The following POLM variants were observed in gnomAD, a reference collection of about 807,000 sequenced individuals.
The protein encoded by POLM is DNA polymerase mu.
POLM carries 52 observed loss-of-function variants against 56.7 expected under a neutral mutation model. The observed-to-expected ratio is 0.92, with a 90% CI of 0.73 to 1.15. POLM has a LOEUF of 1.15. POLM is among the 50% of genes most tolerant of loss of function. POLM has a pLI of 0.00. For missense variants in POLM, 660 were observed against 663.6 expected, an observed-to-expected ratio of 0.99 and a Z score of 0.06; for synonymous variants, 273 against 274.3, an observed-to-expected ratio of 1.00 and a Z score of 0.05.
At position 44,072,991 on chromosome 7, in the gene POLM, A is replaced by T. The variant is rs1326990304; in HGVS notation, c.*300T>A. 2.2e-6 allele frequency: 2 copies of T among 925,382 alleles called. No individual in the cohort carries two copies. Among genetic ancestry groups the T allele is most frequent in the Admixed American group, 3.0e-5 (1 of 33,728 alleles). The allele number at this position is 925,382 out of a possible 1,614,324, so 57.3% of individuals were successfully genotyped here. A position where few individuals can be genotyped will look rare whatever the true frequency, so the allele number is the denominator to read the frequency against. On this transcript the variant is annotated 3_prime_UTR_variant, in exon 11 of 11. Transcript: ENST00000242248. ...CTGCAGGCCCCACCACAGCTCCACG[A>T]TGTGGGCCCCACTCACATCCCATCC...
chr7:44,079,940 CCCTT>C lies in POLM; in HGVS notation c.388_391del (p.Lys130GlyfsTer3). The C allele has an allele frequency of 6.2e-7, 1 of 1,613,530 alleles. No individual in the cohort carries two copies. Among genetic ancestry groups the C allele is most frequent in the Non-Finnish European group, 8.5e-7 (1 of 1,179,866 alleles). On this transcript the variant is annotated frameshift_variant, in exon 3 of 11. Transcript: ENST00000242248. LOFTEE classifies it high-confidence loss of function. ...AGGCATCCATGCTGGGCTCAGAGGCCCCTTCCTTGGCCCAGCCACCTGGGGATGG... is the reference window on the plus strand; with the variant it reads ...AGGCATCCATGCTGGGCTCAGAGGCCCCTTGGCCCAGCCACCTGGGGATGG...
At chr7:44,082,209 G>C in intron 1 of POLM, 42 bp downstream of exon 1, 1 of 1,405,038 alleles carries the variant, frequency 7.1e-7, no homozygotes, top group Admixed American at 3.4e-5. Context: ...TCCAAAACCA[G>C]AAGTGCCATG....
Position 44,076,639 on chromosome 7 carries a change from A to G in POLM, c.715-10T>C. The G allele has an allele frequency of 6.2e-6, 10 of 1,613,542 alleles. No individual in the cohort carries two copies. Among genetic ancestry groups the G allele is most frequent in the Non-Finnish European group, 8.5e-6 (10 of 1,179,832 alleles). On this transcript the variant is annotated splice_polypyrimidine_tract_variant and intron_variant, in intron 5 of 10. Transcript: ENST00000242248. ...AGATCTGGGTGAAGAGCTGTGGGGA[A>G]GGAGCGTAGCCCGGTTGGGCAGAGC...
Position 44,074,444 on chromosome 7 carries a change from GC to G in POLM, c.921del (p.Gln308ArgfsTer10). The G allele has an allele frequency of 6.4e-7, 1 of 1,573,960 alleles. No individual in the cohort carries two copies. The highest frequency in any genetic ancestry group is 8.6e-7 in the Non-Finnish European group (1 of 1,159,864). On this transcript the variant is annotated frameshift_variant, in exon 7 of 11. Coordinates refer to ENST00000242248, the MANE Select transcript of POLM (RefSeq NM_013284.4). LOFTEE classifies it high-confidence loss of function. ...GTGACGGTGGCCCCAGGCAGGGCCT[GC>G]CCCACAGCTTCCTCCACCACCTGCT... ...ALQQVVEEAV[G>X]QALPGATVTL...
intron 6 of POLM, 121 bp from the exon 7 acceptor site, chr7:44,074,651 C>A: frequency 8.6e-7 from 1 of 1,167,442 alleles, no homozygotes; most frequent in South Asian, 1.7e-5. Flanking sequence ...GAGAGGCCTC[C>A]GAGGAAGGTG....
chr7:44,072,279 T>G lies in POLM; in HGVS notation c.*1012A>C, dbSNP rs1490798153. The G allele has an allele frequency of 6.6e-6, 1 of 152,174 alleles. No individual in the cohort carries two copies. The highest frequency in any genetic ancestry group is 1.5e-5 in the Non-Finnish European group (1 of 68,040). 9.4% of individuals were successfully genotyped at this position (152,174 alleles called of 1,614,324 possible). A position where few individuals can be genotyped will look rare whatever the true frequency, so the allele number is the denominator to read the frequency against. The stretch of plus-strand genomic sequence containing the variant: ...CATGTTTTCAAAATATTTTTTAATG[T>G]GATGAGTGGTCTGGGAAATCCTCGC... On this transcript the variant is annotated 3_prime_UTR_variant, in exon 11 of 11. Coordinates refer to ENST00000242248, the MANE Select transcript of POLM (RefSeq NM_013284.4).
Position 44,079,865 on chromosome 7 carries a change from A to T in POLM, c.467T>A (p.Leu156His), listed in dbSNP as rs1370116119. Residue 156 changes from leucine to histidine, a missense_variant, in exon 3 of 11, where the codon CTC becomes CAC. Transcript: ENST00000242248. ...PTPLTHHNTG[L>H]SEALEILAEA... is the part of the protein sequence containing the mutation. ...AGGCTCATAGAAGCGGCTTACGGAG[A>T]GGCCAGTGTTGTGGTGTGTGAGGGG... 1 of 1,614,022 alleles carries T rather than the reference A, an allele frequency of 6.2e-7. No individual in the cohort carries two copies. The highest frequency in any genetic ancestry group is 1.7e-5 in the Admixed American group (1 of 60,006).
Position 44,074,513 on chromosome 7 carries a change from C to A in POLM, c.853G>T (p.Asp285Tyr). The A allele has an allele frequency of 6.3e-7, 1 of 1,587,756 alleles. No homozygotes were observed. Among genetic ancestry groups the A allele is most frequent in the Non-Finnish European group, 8.6e-7 (1 of 1,165,576 alleles). The change falls in exon 7 of 11, where the codon GAC becomes TAC. Residue 285 changes from aspartate to tyrosine, a missense_variant. Asp to Tyr is a radical substitution (Grantham distance 160). Coordinates refer to ENST00000242248, the MANE Select transcript of POLM (RefSeq NM_013284.4). ...QQKAGLQHHQ[D>Y]LSTPVLRSDV... ...GACCGCAGGACTGGGGTGCTCAGGT[C>A]CTGGTGGTGCTGGAGCCCTGGGGGC...
chr7:44,081,564 G>A (rs2128804283), intron 1 of POLM, among the ~76,000 whole-genome samples: 1 of 152,218 alleles, frequency 6.6e-6, no homozygotes, highest in Middle Eastern at 3.4e-3. Context: ...CTTACTCTGG[G>A]TGTTGTCTCT....
intron 5 of POLM, chr7:44,076,837 C>T (rs1257669997): frequency 3.4e-6 from 2 of 580,986 alleles, no homozygotes; most frequent in African/African-American, 3.7e-5. Context: ...CCCACGCACA[C>T]CCCTCTCCTC....
chr7:44,081,923 T>C (rs546949613), intron 1 of POLM, among the ~76,000 whole-genome samples: 1 of 152,130 alleles, frequency 6.6e-6, no homozygotes, highest in Admixed American at 6.5e-5. Flanking sequence ...TTTTTTGTAT[T>C]TTTAGTAGAG....
chr7:44,082,340 G>A lies in POLM; in HGVS notation c.99C>T (p.Tyr33=). The change falls in exon 1 of 11, where the codon TAC becomes TAT. Residue 33 remains tyrosine, a synonymous_variant. Coordinates refer to ENST00000242248, the MANE Select transcript of POLM (RefSeq NM_013284.4). ...PSTRFPGVAI[Y]LVEPRMGRSR... ...TGCGACCCATGCGAGGCTCGACCAG[G>A]TAGATGGCGACTCCCGGGAAGCGCG... The A allele has an allele frequency of 1.3e-6, 2 of 1,560,576 alleles. No individual in the cohort carries two copies. Among genetic ancestry groups the A allele is most frequent in the South Asian group, 1.2e-5 (1 of 85,732 alleles).
chr7:44,082,415 C>A lies in POLM; in HGVS notation c.24G>T (p.Ala8=). Residue 8 remains alanine (A), a synonymous_variant, in exon 1 of 11, where the codon GCG becomes GCT. Transcript: ENST00000242248. The part of the protein sequence containing the change: MLPKRRR[A]RVGSPSGDAA... ...CATCGCCGCTAGGGGACCCGACCCG[C>A]GCTCGCCGCCGTTTGGGGAGCATTG... 6.8e-7 allele frequency: 1 copy of A among 1,463,088 alleles called. No individual in the cohort carries two copies. 90.6% of individuals were successfully genotyped at this position (1,463,088 alleles called of 1,614,324 possible).
intron 5 of POLM, chr7:44,077,165 T>C (rs10270623): frequency 0.067 from 10,180 of 152,790 alleles, 457 homozygotes; most frequent in Non-Finnish European, 0.093. Context: ...AGTCCCTCCC[T>C]AGGAATTCTG....
chr7:44,082,145 A>C, intron 1 of POLM, 106 bp downstream of exon 1: 1 of 948,594 alleles, frequency 1.1e-6, no homozygotes, highest in Non-Finnish European at 1.5e-6. Flanking sequence ...AGAAGAGGAG[A>C]TGGAGGCTCA....
chr7:44,079,540 C>T lies in POLM; in HGVS notation c.642+31G>A, dbSNP rs1223803151. 8 of 1,504,314 alleles carry T rather than the reference C, an allele frequency of 5.3e-6. 1 individual carries two copies. In the East Asian group the frequency reaches 6.9e-5, roughly 13 times the overall value. The allele number at this position is 1,504,314 out of a possible 1,614,324, so 93.2% of individuals were successfully genotyped here. A position where few individuals can be genotyped will look rare whatever the true frequency, so the allele number is the denominator to read the frequency against. On this transcript the variant is annotated intron_variant, in intron 4 of 10. Transcript: ENST00000242248. ...AGGCCCCAAGGCCTCCCCACCCACC[C>T]ACTCACCCTGCTAGGATGGTAAGCA...
In POLM at chr7:44,078,781, C is replaced by T; in HGVS notation, c.673G>A (p.Val225Met). Residue 225 changes from valine to methionine, a missense_variant, in exon 5 of 11, where the codon GTG (valine) becomes ATG (methionine). By Grantham distance (21) the Val-to-Met change is conservative (BLOSUM62 1). Transcript: ENST00000242248. ...ELLEHGVCEE[V>M]ERVRRSERYQ... ...CTCTCTGAGCGCCGAACTCTCTCCA[C>T]CTCCTCACACACTCCATGCTCCAGC... is the stretch of plus-strand genomic sequence containing the variant. 6.2e-7 allele frequency: 1 copy of T among 1,614,088 alleles called. No homozygotes were observed. Among genetic ancestry groups the T allele is most frequent in the East Asian group, 2.2e-5 (1 of 44,884 alleles).
chr7:44,074,110 G>A, intron 8 of POLM, 21 bp downstream of exon 8: 1 of 1,605,762 alleles, frequency 6.2e-7, no homozygotes, highest in Non-Finnish European at 8.5e-7. Flanking sequence ...GGTGGCTCTT[G>A]GGGAGCAGGG....
intron 1 of POLM, among the ~76,000 whole-genome samples, chr7:44,081,430 T>C (rs1191630255): frequency 1.3e-5 from 2 of 152,242 alleles, no homozygotes; most frequent in African/African-American, 2.4e-5. Flanking sequence ...CATCCTCTCC[T>C]GAGTGGGTCT....
Sources: gnomAD v4.1 joint callset for allele counts (sites outside exome capture counted in the v4.1 genomes callset) on GRCh38, gnomAD v4.1.1 for gene constraint, MANE v1.5 for transcripts, NCBI Gene and HGNC (gene_info 2026-07-23, HGNC 2026-07-21) for gene names.